Variants in TRAPPC9 observed in about 807,000 individuals in gnomAD.
TRAPPC9 encodes the protein IKK2 binding protein.
TRAPPC9 carries 83 observed loss-of-function variants against 124.0 expected under a neutral mutation model. That is an observed-to-expected ratio of 0.67 (90% CI 0.56 to 0.80). The LOEUF (loss-of-function observed/expected upper bound fraction) is 0.80. TRAPPC9 is among the 30% of genes least tolerant of loss of function. The pLI, the probability that TRAPPC9 is intolerant of heterozygous loss-of-function variation, is 0.00. For synonymous variants in TRAPPC9, 638 were observed against 617.5 expected, an observed-to-expected ratio of 1.03 and a Z score of -0.49; for missense variants, 1,302 against 1,508.3, an observed-to-expected ratio of 0.86 and a Z score of 2.27.
intron 15 of TRAPPC9, among the ~76,000 whole-genome samples, chr8:140,271,700 T>C (rs1281067812): frequency 6.6e-6 from 1 of 152,238 alleles, no homozygotes; most frequent in Non-Finnish European, 1.5e-5. Context: ...TACACCATTA[T>C]ATACCTCACT....
intron 17 of TRAPPC9, among the ~76,000 whole-genome samples, chr8:140,144,937 G>A (rs550993361): frequency 2.0e-5 from 3 of 151,284 alleles, no homozygotes; most frequent in Middle Eastern, 3.5e-3. Context: ...GCAGTGGCGC[G>A]ATCTCTGCTC....
intron 20 of TRAPPC9, among the ~76,000 whole-genome samples, chr8:139,906,686 G>T (rs1480381450): frequency 6.6e-6 from 1 of 152,166 alleles, no homozygotes; most frequent in Non-Finnish European, 1.5e-5. Context: ...CTTTCTTCCT[G>T]TGCCGCTCCC....
At chr8:140,454,096 C>G (rs903528866) in intron 1 of TRAPPC9, among the ~76,000 whole-genome samples, 4 of 152,002 alleles carry the variant, frequency 2.6e-5, no homozygotes, top group African/African-American at 9.7e-5. Context: ...AGAGACCAGC[C>G]TGGTCAACAT....
At chr8:140,124,356 A>G (rs1370219518) in intron 17 of TRAPPC9, among the ~76,000 whole-genome samples, 1 of 152,114 alleles carries the variant, frequency 6.6e-6, no homozygotes, top group Non-Finnish European at 1.5e-5. Flanking sequence ...CCATAGTCAC[A>G]GCCCCTACCC....
chr8:140,095,477 G>A (rs997545998), intron 17 of TRAPPC9: 2 of 152,058 alleles, frequency 1.3e-5, no homozygotes, highest in African/African-American at 4.8e-5. Flanking sequence ...GGAGAGAGAG[G>A]AGTGAGAAAC....
intron 18 of TRAPPC9, among the ~76,000 whole-genome samples, chr8:140,014,169 C>T (rs1839314671): frequency 6.6e-6 from 1 of 152,068 alleles, no homozygotes; most frequent in Non-Finnish European, 1.5e-5. Context: ...CACCCCACGC[C>T]CCGCTCAGAG....
intron 17 of TRAPPC9, among the ~76,000 whole-genome samples, chr8:140,189,005 A>T (rs555649610): frequency 6.6e-6 from 1 of 152,202 alleles, no homozygotes; most frequent in Non-Finnish European, 1.5e-5. Flanking sequence ...GCCATCCACA[A>T]CATGGCCCAA....
chr8:140,265,395 C>A (rs11998389), intron 15 of TRAPPC9, among the ~76,000 whole-genome samples: 37,475 of 152,088 alleles, frequency 0.25, 5,047 homozygotes, highest in African/African-American at 0.35. Flanking sequence ...CTGATGCCAA[C>A]CAACCAAGGT....
chr8:140,054,713 T>C (rs916449400), intron 17 of TRAPPC9, among the ~76,000 whole-genome samples: 5 of 151,906 alleles, frequency 3.3e-5, no homozygotes, highest in Admixed American at 6.6e-5. Flanking sequence ...AGAGGAGACA[T>C]TACAATCAAT....
chr8:140,209,455 A>G (rs2063004856), intron 17 of TRAPPC9, among the ~76,000 whole-genome samples: 1 of 152,184 alleles, frequency 6.6e-6, no homozygotes, highest in South Asian at 2.1e-4. Context: ...TGTCCTTAAC[A>G]TCTGTGTTAG....
chr8:140,330,350 G>C (rs758794504), intron 9 of TRAPPC9, among the ~76,000 whole-genome samples: 20 of 152,144 alleles, frequency 1.3e-4, no homozygotes, highest in Non-Finnish European at 2.4e-4. Flanking sequence ...GACAAACCAG[G>C]AGATATGGAA....
At chr8:140,434,994 C>A in intron 4 of TRAPPC9, 118 bp downstream of exon 4, 2 of 1,487,458 alleles carry the variant, frequency 1.3e-6, no homozygotes, top group Non-Finnish European at 1.8e-6. Context: ...ATTACTGACT[C>A]AACAGATTTT....
At chr8:139,921,929 C>T (rs1832531957) in intron 19 of TRAPPC9, among the ~76,000 whole-genome samples, 1 of 151,194 alleles carries the variant, frequency 6.6e-6, no homozygotes, top group Non-Finnish European at 1.5e-5. Context: ...CAACCCCCGC[C>T]CCCAACACCA....
At chr8:140,368,105 G>A (rs556052591) in intron 8 of TRAPPC9, among the ~76,000 whole-genome samples, 1 of 152,170 alleles carries the variant, frequency 6.6e-6, no homozygotes, top group Non-Finnish European at 1.5e-5. Context: ...CGTGGGACTT[G>A]GCATCTGGCT....
chr8:140,050,498 C>T (rs1841919120), intron 17 of TRAPPC9, among the ~76,000 whole-genome samples: 1 of 151,970 alleles, frequency 6.6e-6, no homozygotes, highest in East Asian at 1.9e-4. Context: ...CCAACTCCCA[C>T]CCCAGGTCCT....
chr8:139,920,120 C>T (rs12676265), intron 19 of TRAPPC9, among the ~76,000 whole-genome samples: 6,351 of 152,238 alleles, frequency 0.042, 308 homozygotes, highest in African/African-American at 0.12. Context: ...CTAAGCCGGG[C>T]GGATCACTTG....
intron 20 of TRAPPC9, among the ~76,000 whole-genome samples, chr8:139,908,179 G>C (rs953698605): frequency 6.6e-6 from 1 of 152,102 alleles, no homozygotes; most frequent in Non-Finnish European, 1.5e-5. Flanking sequence ...ACCATCCTAG[G>C]GCTCTGGCTT....
At chr8:140,343,371 C>G (rs181864770) in intron 9 of TRAPPC9, among the ~76,000 whole-genome samples, 35 of 152,294 alleles carry the variant, frequency 2.3e-4, no homozygotes, top group Middle Eastern at 3.4e-3. Flanking sequence ...AATCTTTAAC[C>G]AAAGGTGATA....
intron 8 of TRAPPC9, among the ~76,000 whole-genome samples, chr8:140,364,836 T>A (rs1244115743): frequency 6.6e-6 from 1 of 151,938 alleles, no homozygotes; most frequent in African/African-American, 2.4e-5. Flanking sequence ...CCTCCCAAAG[T>A]GCTGGGATTA....
Sources: allele counts gnomAD v4.1 joint callset (sites outside exome capture counted in the v4.1 genomes callset), GRCh38; gene constraint gnomAD v4.1.1; transcripts MANE v1.5; gene names NCBI Gene and HGNC (gene_info 2026-07-23, HGNC 2026-07-21).